Variants in ARRB1 observed in about 807,000 individuals in gnomAD.
ARRB1 encodes the protein beta-arrestin-1.
Under a neutral mutation model 56.8 loss-of-function variants are expected in ARRB1, and 21 were observed. The ratio of observed to expected loss-of-function variants is 0.37; its 90% CI spans 0.26 to 0.53. The LOEUF is 0.53. Ranked by LOEUF, ARRB1 falls within the 20% of genes least tolerant of loss-of-function variation. ARRB1 has a pLI of 0.88. For synonymous variants in ARRB1, 210 were observed against 218.6 expected (o/e 0.96, Z 0.35); for missense variants, 424 against 553.7 (o/e 0.77, Z 2.35).
chr11:75,304,504 C>T (rs747291299), intron 1 of ARRB1, among the ~76,000 whole-genome samples: 1 of 151,958 alleles, frequency 6.6e-6, no homozygotes, highest in Non-Finnish European at 1.5e-5. Flanking sequence ...TGTACAGGCT[C>T]ATAAGAGCCA....
intron 10 of ARRB1, among the ~76,000 whole-genome samples, chr11:75,275,201 C>G (rs1946174753): frequency 6.8e-6 from 1 of 147,692 alleles, no homozygotes; most frequent in Non-Finnish European, 1.5e-5. Flanking sequence ...GGCTAGAGTA[C>G]AGTAGTGCGA....
intron 14 of ARRB1, 114 bp from the exon 15 acceptor site, chr11:75,267,817 G>A: frequency 2.4e-6 from 2 of 848,300 alleles, no homozygotes; most frequent in African/African-American, 1.7e-5. Flanking sequence ...GAAGGGCAAA[G>A]GATAAAGGGG....
chr11:75,344,768 C>T (rs1207908662), intron 1 of ARRB1, among the ~76,000 whole-genome samples: 1 of 152,132 alleles, frequency 6.6e-6, no homozygotes, highest in Non-Finnish European at 1.5e-5. Context: ...TCAGGAGCCC[C>T]CAGTGTGATG....
intron 4 of ARRB1, among the ~76,000 whole-genome samples, chr11:75,283,847 G>A (rs1285858447): frequency 2.0e-5 from 3 of 152,114 alleles, no homozygotes; most frequent in African/African-American, 7.2e-5. Flanking sequence ...AGGGAGTTGT[G>A]GGGGCAGGGC....
chr11:75,276,708 T>C, intron 10 of ARRB1, 131 bp downstream of exon 10: 1 of 784,912 alleles, frequency 1.3e-6, no homozygotes, highest in South Asian at 1.7e-5. Flanking sequence ...CTACTCTGAG[T>C]GGCAAGGAAG....
intron 1 of ARRB1, chr11:75,335,158 C>T: frequency 4.0e-6 from 1 of 250,546 alleles, no homozygotes; most frequent in South Asian, 4.4e-5. Context: ...TTCACAAAGG[C>T]CCTGCCTCCA....
At chr11:75,321,571 G>A (rs186724371) in intron 1 of ARRB1, among the ~76,000 whole-genome samples, 2 of 152,176 alleles carry the variant, frequency 1.3e-5, no homozygotes, top group African/African-American at 2.4e-5. Context: ...GAATTTAGGG[G>A]TCCTTCTTTC....
Position 75,338,358 on chromosome 11 carries a change from G to A in ARRB1, c.20+13230C>T, listed in dbSNP as rs948941482. On this transcript the variant is annotated intron_variant, in intron 1 of 15. Transcript: ENST00000420843. ...GTGGGGCTTGACCTGAGCCAGTGGC[G>A]GTAGAATGAGGAGAACAGTACTTTG... Among the ~76,000 whole-genome samples the A allele has an allele frequency of 6.6e-5, 10 of 152,094 alleles. No homozygotes were observed. The East Asian group carries it at 7.7e-4, about 12-fold the overall frequency.
At chr11:75,273,379 G>T (rs1591896226) in intron 11 of ARRB1, among the ~76,000 whole-genome samples, 2 of 152,120 alleles carry the variant, frequency 1.3e-5, no homozygotes, top group East Asian at 3.8e-4. Context: ...GGCCATCAGA[G>T]AAGGACTTCT....
At chr11:75,292,675 C>T (rs971541965) in intron 1 of ARRB1, among the ~76,000 whole-genome samples, 3 of 152,122 alleles carry the variant, frequency 2.0e-5, no homozygotes, top group African/African-American at 7.2e-5. Flanking sequence ...GCCACAGGTG[C>T]CTGAGGCCAC....
At chr11:75,313,827 C>A (rs918787124) in intron 1 of ARRB1, among the ~76,000 whole-genome samples, 4 of 152,210 alleles carry the variant, frequency 2.6e-5, no homozygotes, top group Non-Finnish European at 1.5e-5. Context: ...GCAGTGGAGT[C>A]TGGGTATTCA....
intron 1 of ARRB1, among the ~76,000 whole-genome samples, chr11:75,336,826 G>C (rs930417037): frequency 1.3e-5 from 2 of 152,164 alleles, no homozygotes. Context: ...ACCACCCTAT[G>C]AGGGGAATAT....
intron 3 of ARRB1, among the ~76,000 whole-genome samples, chr11:75,286,325 G>A (rs774196116): frequency 1.8e-4 from 25 of 136,848 alleles, no homozygotes; most frequent in African/African-American, 5.8e-4. Flanking sequence ...GCTGGAGTGC[G>A]GTGGCATGAT....
intron 1 of ARRB1, among the ~76,000 whole-genome samples, chr11:75,333,639 TG>T (rs1383190522): frequency 6.6e-6 from 1 of 152,120 alleles, no homozygotes; most frequent in African/African-American, 2.4e-5. Context: ...CACAACCCTA[TG>T]GGGGTGAGGA....
intron 1 of ARRB1, among the ~76,000 whole-genome samples, chr11:75,339,279 T>C (rs1947660314): frequency 6.6e-6 from 1 of 152,236 alleles, no homozygotes; most frequent in Non-Finnish European, 1.5e-5. Context: ...GACCCTGGTT[T>C]CCAATGGCAG....
chr11:75,344,800 T>C (rs900171816), intron 1 of ARRB1, among the ~76,000 whole-genome samples: 11 of 151,740 alleles, frequency 7.2e-5, no homozygotes, highest in African/African-American at 2.2e-4. Flanking sequence ...GAAGAAAGAG[T>C]TCAGTCCAGT....
Position 75,284,208 on chromosome 11 carries a change from A to G in ARRB1, c.157+27T>C, listed in dbSNP as rs1169317334. The G allele has an allele frequency of 2.5e-6, 4 of 1,591,734 alleles. No individual in the cohort carries two copies. In the African/African-American group the frequency reaches 4.0e-5, roughly 16 times the overall value. On this transcript the variant is annotated intron_variant, in intron 4 of 15. Transcript: ENST00000420843. ...GGGGGAAGAGGAGGCGGCCCTTGAC[A>G]GGCTGGGGATGGGGGCCACAGCCTA... is the stretch of plus-strand genomic sequence containing the variant.
intron 3 of ARRB1, among the ~76,000 whole-genome samples, chr11:75,284,877 T>G (rs1946435317): frequency 6.6e-6 from 1 of 150,700 alleles, no homozygotes; most frequent in Non-Finnish European, 1.5e-5. Flanking sequence ...CACTCCAGCC[T>G]GGGCAACAGA....
chr11:75,278,758 G>T lies in ARRB1; in HGVS notation c.483-14C>A, dbSNP rs1388817732. The T allele has an allele frequency of 3.1e-6, 5 of 1,598,894 alleles. No individual in the cohort carries two copies. The South Asian group carries it at 5.6e-5, about 18-fold the overall frequency. On this transcript the variant is annotated splice_polypyrimidine_tract_variant and intron_variant, in intron 7 of 15. Coordinates refer to ENST00000420843, the MANE Select transcript of ARRB1 (RefSeq NM_004041.5). ...CGCACAGAATTCCTAATGGAGATGG[G>T]CGGAGTGAAAGAGGACCAGGGTCAC...
Sources: gnomAD v4.1 joint callset for allele counts (sites outside exome capture counted in the v4.1 genomes callset) on GRCh38, gnomAD v4.1.1 for gene constraint, MANE v1.5 for transcripts, NCBI Gene and HGNC (gene_info 2026-07-23, HGNC 2026-07-21) for gene names.